Variants in ATPSCKMT observed in about 807,000 individuals in gnomAD.
The protein encoded by ATPSCKMT is ATP synthase c subunit lysine N-methyltransferase.
Under a neutral mutation model 24.3 loss-of-function variants are expected in ATPSCKMT, and 24 were observed. The ratio of observed to expected loss-of-function variants is 0.99; its 90% CI spans 0.71 to 1.39. The LOEUF is 1.39. Ranked by LOEUF, ATPSCKMT falls within the 40% of genes most tolerant of loss-of-function variation. The probability of loss-of-function intolerance (pLI) is 0.00; values close to 1 mark genes in which losing one functional copy is unlikely to be tolerated. For missense variants in ATPSCKMT, 311 were observed against 298.4 expected, an observed-to-expected ratio of 1.04 and a Z score of -0.31; for synonymous variants, 95 against 110.5, an observed-to-expected ratio of 0.86 and a Z score of 0.88.
chr5:10,245,131 A>T (rs1323248849), intron 1 of ATPSCKMT, among the ~76,000 whole-genome samples: 1 of 152,164 alleles, frequency 6.6e-6, no homozygotes, highest in African/African-American at 2.4e-5. Flanking sequence ...TTGTTTAAAC[A>T]CAATTCAAGC....
At position 10,244,890 on chromosome 5, in the gene ATPSCKMT, T is replaced by C. The variant is rs1359417179; in HGVS notation, c.16+4968A>G. ...ACCATTACATTCCAGCCTGGACAAC[T>C]GAGCAATACCCTGGTTGTCAAAAAA... On this transcript the variant is annotated intron_variant, in intron 1 of 4. Coordinates refer to ENST00000511437, the MANE Select transcript of ATPSCKMT (RefSeq NM_199133.4). 2.1e-5 allele frequency among the ~76,000 whole-genome samples: 3 copies of C among 143,580 alleles called. No individual in the cohort carries two copies. The East Asian group carries it at 6.3e-4, about 30-fold the overall frequency. The allele number at this position is 143,580 out of a possible 152,430, so 94.2% of individuals were successfully genotyped here.
chr5:10,243,626 T>G (rs1190942137), intron 1 of ATPSCKMT, among the ~76,000 whole-genome samples: 1 of 152,266 alleles, frequency 6.6e-6, no homozygotes, highest in Non-Finnish European at 1.5e-5. Context: ...TTATCTTTCC[T>G]TAAACCTAAT....
At chr5:10,230,069 A>G (rs191769275) in intron 4 of ATPSCKMT, among the ~76,000 whole-genome samples, 118 of 152,366 alleles carry the variant, frequency 7.7e-4, no homozygotes, top group African/African-American at 2.7e-3. Flanking sequence ...AAAAGTAACC[A>G]AGATGAAATT....
At chr5:10,230,265 A>AG (rs11411661) in intron 4 of ATPSCKMT, among the ~76,000 whole-genome samples, 92,826 of 151,740 alleles carry the variant, frequency 0.61, 29,650 homozygotes, top group East Asian at 0.87. Context: ...CAGCCAGTAT[A>AG]GATTAAAAAA....
chr5:10,231,457 C>A (rs979080139), intron 4 of ATPSCKMT, among the ~76,000 whole-genome samples: 2 of 152,066 alleles, frequency 1.3e-5, no homozygotes, highest in Non-Finnish European at 2.9e-5. Context: ...GGCTCCTGCC[C>A]TTCCAAGGGC....
Position 10,249,840 on chromosome 5 carries a change from A to C in ATPSCKMT, c.16+18T>G, listed in dbSNP as rs374002621. ...CTTCTCATGCCCCCAGGAACCCGCC[A>C]AGCCGCTCCAGCCTCACCTCCTCCT... On this transcript the variant is annotated intron_variant, in intron 1 of 4. Coordinates refer to ENST00000511437, the MANE Select transcript of ATPSCKMT (RefSeq NM_199133.4). The C allele has an allele frequency of 2.7e-5, 35 of 1,296,096 alleles. No individual in the cohort carries two copies. The highest frequency in any genetic ancestry group is 3.5e-4 in the Middle Eastern group (1 of 2,890). The allele number at this position is 1,296,096 out of a possible 1,614,324, so 80.3% of individuals were successfully genotyped here.
intron 4 of ATPSCKMT, among the ~76,000 whole-genome samples, chr5:10,228,372 T>A (rs1452532314): frequency 1.3e-5 from 2 of 152,206 alleles, no homozygotes; most frequent in Non-Finnish European, 1.5e-5. Flanking sequence ...AATGTATCCA[T>A]AATATACTGA....
At chr5:10,234,050 G>A (rs1024097716) in intron 4 of ATPSCKMT, among the ~76,000 whole-genome samples, 11 of 152,120 alleles carry the variant, frequency 7.2e-5, no homozygotes, top group African/African-American at 1.7e-4. Flanking sequence ...TTACAAGACT[G>A]GGCACAGTGG....
chr5:10,245,994 A>G (rs544328955), intron 1 of ATPSCKMT, among the ~76,000 whole-genome samples: 1 of 152,312 alleles, frequency 6.6e-6, no homozygotes, highest in African/African-American at 2.4e-5. Flanking sequence ...ATATTCAGAT[A>G]CATGCAACCA....
chr5:10,235,158 G>A (rs2126437027), intron 4 of ATPSCKMT, 53 bp downstream of exon 4: 2 of 1,554,122 alleles, frequency 1.3e-6, no homozygotes, highest in African/African-American at 1.4e-5. Flanking sequence ...GTGGCTGGAA[G>A]GGCCTTCAAC....
rs764508909 is a variant in ATPSCKMT at position 10,235,204 on chromosome 5, T to C, written c.495+7A>G. The C allele has an allele frequency of 6.2e-6, 10 of 1,613,494 alleles. No individual in the cohort carries two copies. The highest frequency in any genetic ancestry group is 7.6e-6 in the Non-Finnish European group (9 of 1,179,620). The stretch of plus-strand genomic sequence containing the variant: ...CCCAAACAGAGAGCAGGAAAGTGCA[T>C]ACTCACCATCTGAGGCACACCGAAA... On this transcript the variant is annotated splice_region_variant and intron_variant, in intron 4 of 4. Coordinates refer to ENST00000511437, the MANE Select transcript of ATPSCKMT (RefSeq NM_199133.4).
chr5:10,249,538 G>T, intron 1 of ATPSCKMT: 1 of 360,736 alleles, frequency 2.8e-6, no homozygotes, highest in Non-Finnish European at 4.9e-6. Flanking sequence ...AGGAAGAGCG[G>T]CAGAACTGCG....
Position 10,239,270 on chromosome 5 carries a change from T to C in ATPSCKMT, c.103A>G (p.Asn35Asp). The change falls in exon 2 of 5, where the codon AAC becomes GAC. Residue 35 changes from asparagine (N) to aspartate (D), a missense_variant. Transcript: ENST00000511437. ...SFEVNSLQKS[N>D]WGFLLTGLVG... ...AGCCCAGTAAGTAAGAACCCCCAGT[T>C]GCTTTTCTGCAAACTGTTGACTTCA... The C allele has an allele frequency of 6.2e-7, 1 of 1,614,210 alleles. No individual in the cohort carries two copies.
intron 4 of ATPSCKMT, among the ~76,000 whole-genome samples, chr5:10,233,229 G>A (rs1744230048): frequency 6.6e-6 from 1 of 152,116 alleles, no homozygotes; most frequent in Non-Finnish European, 1.5e-5. Flanking sequence ...CCACGGCTGG[G>A]ATGGTCGACT....
chr5:10,243,191 T>C lies in ATPSCKMT; in HGVS notation c.17-3835A>G, dbSNP rs145279031. Among the ~76,000 whole-genome samples the C allele has an allele frequency of 2.5e-3, 374 of 152,304 alleles. 11 individuals carry two copies. The East Asian group carries it at 0.059, about 24-fold the overall frequency. ...CCAATAGAAGGTTGTTTCATCCATATTGAAAATCTGCTGGCCAGGCACAGT... is the reference window on the plus strand; with the variant it reads ...CCAATAGAAGGTTGTTTCATCCATACTGAAAATCTGCTGGCCAGGCACAGT... On this transcript the variant is annotated intron_variant, in intron 1 of 4. Transcript: ENST00000511437.
chr5:10,234,447 T>C (rs1744286273), intron 4 of ATPSCKMT, among the ~76,000 whole-genome samples: 4 of 152,236 alleles, frequency 2.6e-5, no homozygotes, highest in East Asian at 3.8e-4. Flanking sequence ...AAATGTCTTA[T>C]ACAAAAATTT....
chr5:10,239,502 G>A (rs761792743), intron 1 of ATPSCKMT, 146 bp from the exon 2 acceptor site: 1 of 684,252 alleles, frequency 1.5e-6, no homozygotes, highest in Non-Finnish European at 2.4e-6. Context: ...TCAACTGTAG[G>A]ATCCCACAAT....
chr5:10,245,626 G>GTA (rs1744881894), intron 1 of ATPSCKMT, among the ~76,000 whole-genome samples: 1 of 151,464 alleles, frequency 6.6e-6, no homozygotes, highest in Non-Finnish European at 1.5e-5. Context: ...GTGCATCTGT[G>GTA]GTCCCTGCTA....
chr5:10,230,608 T>G (rs1336140241), intron 4 of ATPSCKMT, among the ~76,000 whole-genome samples: 1 of 152,198 alleles, frequency 6.6e-6, no homozygotes, highest in African/African-American at 2.4e-5. Flanking sequence ...GTAAAGGAAT[T>G]CAAAATTATT....
Sources: allele counts gnomAD v4.1 joint callset (sites outside exome capture counted in the v4.1 genomes callset), GRCh38; gene constraint gnomAD v4.1.1; transcripts MANE v1.5; gene names NCBI Gene and HGNC (gene_info 2026-07-23, HGNC 2026-07-21).